TRRAP: variants seen among roughly 807,000 people sequenced by gnomAD.
TRRAP encodes transformation/transcription domain associated protein.
Under a neutral mutation model 438.8 loss-of-function variants are expected in TRRAP, and 41 were observed. That is an observed-to-expected ratio of 0.09 (90% CI 0.07 to 0.12). TRRAP has a LOEUF of 0.12. Ranked by LOEUF, TRRAP falls within the 10% of genes least tolerant of loss-of-function variation. The pLI is 1.00. For missense variants in TRRAP, 3,122 were observed against 5,055.1 expected, an observed-to-expected ratio of 0.62 and a Z score of 11.60; for synonymous variants, 1,994 against 1,962.9, an observed-to-expected ratio of 1.02 and a Z score of -0.42.
At chr7:98,965,588 T>G in intron 48 of TRRAP, 108 bp from the exon 49 acceptor site, 3 of 1,464,012 alleles carry the variant, frequency 2.0e-6, no homozygotes, top group Non-Finnish European at 2.8e-6. Context: ...GGAAAAAACA[T>G]TGAGGGGGAA....
At chr7:98,900,776 T>G in intron 11 of TRRAP, 56 bp downstream of exon 11, 1 of 1,485,232 alleles carries the variant, frequency 6.7e-7, no homozygotes, top group Non-Finnish European at 9.3e-7. Context: ...TACAATAAAA[T>G]TCACCTTTTG....
intron 62 of TRRAP, among the ~76,000 whole-genome samples, chr7:98,987,010 C>T (rs1793179586): frequency 6.6e-6 from 1 of 152,138 alleles, no homozygotes; most frequent in Non-Finnish European, 1.5e-5. Flanking sequence ...TGAGGCCAGG[C>T]CCAGTGGCTC....
At chr7:98,896,712 G>T (rs1796224201) in intron 7 of TRRAP, among the ~76,000 whole-genome samples, 1 of 152,104 alleles carries the variant, frequency 6.6e-6, no homozygotes, top group African/African-American at 2.4e-5. Flanking sequence ...TCTTTAAAAA[G>T]TTTTTAAATT....
intron 20 of TRRAP, among the ~76,000 whole-genome samples, chr7:98,918,523 T>C (rs1789631455): frequency 1.3e-5 from 2 of 151,962 alleles, no homozygotes; most frequent in South Asian, 4.2e-4. Flanking sequence ...TCACCGTGCC[T>C]GGCGAGGGTT....
At chr7:99,010,734 T>G (rs956619694) in intron 70 of TRRAP, among the ~76,000 whole-genome samples, 1 of 152,188 alleles carries the variant, frequency 6.6e-6, no homozygotes, top group Admixed American at 6.5e-5. Flanking sequence ...CCTGATATAT[T>G]CCATAGTCAG....
chr7:98,965,668 T>C, intron 48 of TRRAP, 28 bp from the exon 49 acceptor site: 9 of 1,613,148 alleles, frequency 5.6e-6, no homozygotes, highest in Non-Finnish European at 7.6e-6. Flanking sequence ...TAGAGACCCG[T>C]GGGTTTGTTC....
Position 98,968,809 on chromosome 7 carries a change from C to T in TRRAP, c.7512+1111C>T, listed in dbSNP as rs149446707. Among the ~76,000 whole-genome samples, 1,109 of 152,310 alleles carry T rather than the reference C, an allele frequency of 7.3e-3. 12 individuals carry two copies. The highest frequency in any genetic ancestry group is 0.013 in the Non-Finnish European group (891 of 68,036). The stretch of plus-strand genomic sequence containing the variant: ...GGGCGTTCTCTTGGCGCGTGTGCAG[C>T]GTGCGTTTGGAATTTTGCCTATGGC... On this transcript the variant is annotated intron_variant, in intron 51 of 72. Transcript: ENST00000456197.
rs1170571329 is a variant in TRRAP at position 98,909,807 on chromosome 7, G to T, written c.1351-249G>T. On this transcript the variant is annotated intron_variant, in intron 14 of 72. Coordinates refer to ENST00000456197, the MANE Select transcript of TRRAP (RefSeq NM_001375524.1). Reference sequence around the variant, plus strand: ...TAAATCGGCACCTTTTCCTTTACACGTGGCACAAAGGAGGTGCCCAGATGT... The same window carrying T: ...TAAATCGGCACCTTTTCCTTTACACTTGGCACAAAGGAGGTGCCCAGATGT... Among the ~76,000 whole-genome samples the T allele has an allele frequency of 4.6e-5, 7 of 151,954 alleles. No homozygotes were observed. In the South Asian group the frequency reaches 1.5e-3, roughly 32 times the overall value.
At chr7:98,961,225 G>T (rs768240134) in intron 45 of TRRAP, 36 bp from the exon 46 acceptor site, 1 of 1,602,056 alleles carries the variant, frequency 6.2e-7, no homozygotes, top group South Asian at 1.1e-5. Flanking sequence ...TTGAGTGTTT[G>T]TTTCCTCTGT....
chr7:98,936,114 A>G (rs1384917226), intron 28 of TRRAP, among the ~76,000 whole-genome samples: 2 of 152,234 alleles, frequency 1.3e-5, no homozygotes, highest in African/African-American at 2.4e-5. Context: ...TGCAAAGTGT[A>G]GGAAAATAGA....
intron 4 of TRRAP, among the ~76,000 whole-genome samples, chr7:98,891,917 C>T (rs1370242851): frequency 6.6e-6 from 1 of 152,172 alleles, no homozygotes; most frequent in Admixed American, 6.5e-5. Context: ...ATTTTTATAT[C>T]ATGCCAGTGT....
chr7:99,011,564 C>T lies in TRRAP; in HGVS notation c.11337+29C>T, dbSNP rs1177263356. On this transcript the variant is annotated intron_variant, in intron 72 of 72. Coordinates refer to ENST00000456197, the MANE Select transcript of TRRAP (RefSeq NM_001375524.1). This position sits in a 1 kb window ranked among gnomAD's most constrained non-coding sequence, Gnocchi z 7.1. ...GGTCTCCACGTCGTCCTATCACAGGCGCAGGCTAGAGCCACTCAGATGCCC... is the reference window on the plus strand; with the variant it reads ...GGTCTCCACGTCGTCCTATCACAGGTGCAGGCTAGAGCCACTCAGATGCCC... 20 of 1,603,848 alleles carry T rather than the reference C, an allele frequency of 1.2e-5. No individual in the cohort carries two copies. Among genetic ancestry groups the T allele is most frequent in the African/African-American group, 9.4e-5 (7 of 74,746 alleles).
At position 98,984,987 on chromosome 7, in the gene TRRAP, A is replaced by G. The variant is rs778953341; in HGVS notation, c.9332A>G (p.Lys3111Arg). The change falls in exon 62 of 73, where the codon AAA (lysine) becomes AGA (arginine). Residue 3111 changes from lysine (K) to arginine (R), a missense_variant. Physicochemically the swap from Lys to Arg is conservative, Grantham distance 26. Around this residue, in one of 24 missense-constraint regions of TRRAP, gnomAD observed 129 missense variants for 279.2 expected, o/e 0.46. Coordinates refer to ENST00000456197, the MANE Select transcript of TRRAP (RefSeq NM_001375524.1). ...IESTNLKYFT[K>R]EMTAEFYALK... is the part of the protein sequence containing the mutation. Reference sequence around the variant, plus strand: ...TCTACAAATTTAAAATACTTCACAAAAGAGATGACAGCCGAATTTTATGCA... The same window carrying G: ...TCTACAAATTTAAAATACTTCACAAGAGAGATGACAGCCGAATTTTATGCA... 6.2e-7 allele frequency: 1 copy of G among 1,613,822 alleles called. No homozygotes were observed. The highest frequency in any genetic ancestry group is 2.2e-5 in the East Asian group (1 of 44,828).
At chr7:98,947,718 A>C (rs901381477) in intron 33 of TRRAP, among the ~76,000 whole-genome samples, 9 of 152,162 alleles carry the variant, frequency 5.9e-5, no homozygotes, top group Non-Finnish European at 1.2e-4. Flanking sequence ...AGCCTCCCAA[A>C]GTGCTGGGAT....
At chr7:98,983,538 T>C (rs1465281687) in intron 60 of TRRAP, 79 bp downstream of exon 60, 3 of 1,474,960 alleles carry the variant, frequency 2.0e-6, no homozygotes, top group African/African-American at 1.4e-5. Context: ...CTCTGTGTTT[T>C]GGTTTGGTTT....
intron 70 of TRRAP, among the ~76,000 whole-genome samples, chr7:99,008,872 G>A (rs1234559465): frequency 6.6e-6 from 1 of 152,158 alleles, no homozygotes; most frequent in East Asian, 1.9e-4. Context: ...TAAGTTTCTG[G>A]CAGGCTCACT....
chr7:98,896,926 C>T (rs1423438936), intron 7 of TRRAP, among the ~76,000 whole-genome samples: 1 of 144,140 alleles, frequency 6.9e-6, no homozygotes, highest in Non-Finnish European at 1.5e-5. Context: ...CAGTGAGGTC[C>T]TGGCTTTTAA....
intron 62 of TRRAP, among the ~76,000 whole-genome samples, chr7:98,987,805 T>C (rs979754120): frequency 6.6e-6 from 1 of 152,262 alleles, no homozygotes; most frequent in Non-Finnish European, 1.5e-5. Flanking sequence ...ATGTTAGCTG[T>C]GGGTGTTCTG....
At chr7:98,965,498 C>G (rs1345865509) in intron 48 of TRRAP, among the ~76,000 whole-genome samples, 198 bp from the exon 49 acceptor site, 1 of 152,106 alleles carries the variant, frequency 6.6e-6, no homozygotes, top group Non-Finnish European at 1.5e-5. Flanking sequence ...TCCCTCATCC[C>G]TCTCCCTGCA....
Sources: gnomAD v4.1 joint callset for allele counts (sites outside exome capture counted in the v4.1 genomes callset) on GRCh38, gnomAD v4.1.1 for gene constraint, gnomAD v4.1.1 regional missense constraint, Gnocchi (gnomAD v3.1) non-coding constraint, MANE v1.5 for transcripts, NCBI Gene and HGNC (gene_info 2026-07-23, HGNC 2026-07-21) for gene names.